The following ENOX2 variants were observed in gnomAD, a reference collection of about 807,000 sequenced individuals.
ENOX2 encodes the protein ecto-NOX disulfide-thiol exchanger 2.
In ENOX2, 36 loss-of-function variants were observed where a neutral mutation model predicts 45.0. The observed-to-expected ratio is 0.80, with a 90% CI of 0.61 to 1.06. ENOX2 has a LOEUF of 1.06. Ranked by LOEUF, ENOX2 falls within the 50% of genes least tolerant of loss-of-function variation. The probability of loss-of-function intolerance (pLI) is 0.00; values close to 1 mark genes in which losing one functional copy is unlikely to be tolerated. For synonymous variants in ENOX2, 174 were observed against 152.3 expected, an observed-to-expected ratio of 1.14 and a Z score of -1.05; for missense variants, 423 against 462.5, an observed-to-expected ratio of 0.91 and a Z score of 0.78.
chrX:130,757,714 T>G (rs183245203), intron 3 of ENOX2, among the ~76,000 whole-genome samples: 8 of 111,418 alleles, frequency 7.2e-5, no homozygotes, highest in African/African-American at 2.6e-4. Flanking sequence ...GCATAAAAAA[T>G]AATACAGAGA....
At chrX:130,869,651 T>C (rs775354987) in intron 2 of ENOX2, among the ~76,000 whole-genome samples, 63 of 112,378 alleles carry the variant, frequency 5.6e-4, no homozygotes, top group African/African-American at 1.9e-3. Flanking sequence ...TGGGAGGTCA[T>C]TGACAGTTTT....
At chrX:130,831,263 G>GT (rs201834647) in intron 2 of ENOX2, among the ~76,000 whole-genome samples, 2 of 111,490 alleles carry the variant, frequency 1.8e-5, no homozygotes, top group East Asian at 5.6e-4. Context: ...TCCCAATACT[G>GT]TTAACATTGG....
intron 2 of ENOX2, among the ~76,000 whole-genome samples, chrX:130,817,005 AATAG>A (rs1397823990): frequency 8.9e-6 from 1 of 112,166 alleles, no homozygotes; most frequent in Non-Finnish European, 1.9e-5. Context: ...AGATTAACAA[AATAG>A]ATAGACTACT....
rs1789932554 is a variant in ENOX2, at chrX:130,628,030, T to C, written c.1542A>G (p.Thr514=). The stretch of plus-strand genomic sequence containing the variant: ...CTCCAAATGGGTGAACATGAAGGAA[T>C]GTGGAGATAATCCCTACAGAGACAA... ...REALLVGIIS[T]FLHVHPFGAS... is the part of the protein sequence containing the mutation. Residue 514 remains threonine, a synonymous_variant, in exon 14 of 15, where the codon ACA becomes ACG. Transcript: ENST00000394363. 2.5e-6 allele frequency: 3 copies of C among 1,194,606 alleles called. No homozygotes were observed. The highest frequency in any genetic ancestry group is 3.4e-6 in the Non-Finnish European group (3 of 879,755).
chrX:130,824,012 G>C (rs1330622397), intron 2 of ENOX2, among the ~76,000 whole-genome samples: 2 of 111,919 alleles, frequency 1.8e-5, no homozygotes, highest in African/African-American at 6.5e-5. Context: ...AAAACTATTA[G>C]AGCTGGAGTG....
At chrX:130,651,503 C>G (rs1451667468) in intron 10 of ENOX2, among the ~76,000 whole-genome samples, 1 of 111,881 alleles carries the variant, frequency 8.9e-6, no homozygotes, top group Non-Finnish European at 1.9e-5. Context: ...TTCCTGAAAA[C>G]CTCTGGCCAG....
At chrX:130,782,410 G>A (rs2076910678) in intron 3 of ENOX2, among the ~76,000 whole-genome samples, 1 of 111,276 alleles carries the variant, frequency 9.0e-6, no homozygotes, top group African/African-American at 3.3e-5. Flanking sequence ...GATAAAACCA[G>A]GATTAGAACT....
chrX:130,750,773 C>T (rs977715947), intron 3 of ENOX2, among the ~76,000 whole-genome samples: 2 of 110,987 alleles, frequency 1.8e-5, no homozygotes, highest in Admixed American at 1.9e-4. Flanking sequence ...TTTCTCTTTC[C>T]CTCTGTATCT....
At chrX:130,744,266 T>C (rs1412382538) in intron 3 of ENOX2, among the ~76,000 whole-genome samples, 3 of 112,311 alleles carry the variant, frequency 2.7e-5, no homozygotes, top group Middle Eastern at 4.2e-3. Flanking sequence ...CTGTCTGATA[T>C]AAGACTCAGT....
chrX:130,760,785 CAAAAAAAAAAAAAAAAAAAAAAAAA>C (rs555575901), intron 3 of ENOX2, among the ~76,000 whole-genome samples: 1 of 9,401 alleles, frequency 1.1e-4, no homozygotes, highest in South Asian at 0.014. Context: ...GACTCCATCT[CAAAAAAAAAAAAAAAAAAAAAAAAA>C]AAAAAAAAAA....
chrX:130,819,735 G>C (rs1438428923), intron 2 of ENOX2, among the ~76,000 whole-genome samples: 1 of 111,102 alleles, frequency 9.0e-6, no homozygotes, highest in Non-Finnish European at 1.9e-5. Flanking sequence ...CGGGTGGGAG[G>C]GTAGAGGAGG....
At chrX:130,713,497 C>T (rs1232934765) in intron 3 of ENOX2, among the ~76,000 whole-genome samples, 1 of 111,727 alleles carries the variant, frequency 9.0e-6, no homozygotes, top group Non-Finnish European at 1.9e-5. Flanking sequence ...GCTGCCTCAG[C>T]TACTAAGAGC....
intron 3 of ENOX2, among the ~76,000 whole-genome samples, chrX:130,752,466 T>C (rs1051668709): frequency 9.1e-6 from 1 of 110,285 alleles, no homozygotes; most frequent in Non-Finnish European, 1.9e-5. Flanking sequence ...TGTATTGCCT[T>C]TTCTCCTATG....
In ENOX2 at chrX:130,624,701, A is replaced by G. The variant is rs1276208015; in HGVS notation, c.*613T>C. 3 of 112,929 alleles carry G rather than the reference A, an allele frequency of 2.7e-5. No individual in the cohort carries two copies. In the East Asian group the frequency reaches 8.3e-4, roughly 31 times the overall value. The allele number at this position is 112,929 out of a possible 1,213,427, so 9.3% of individuals were successfully genotyped here. A position where few individuals can be genotyped will look rare whatever the true frequency, so the allele number is the denominator to read the frequency against. On this transcript the variant is annotated 3_prime_UTR_variant, in exon 15 of 15. Transcript: ENST00000394363. ...AGATCTTTAATGTGATATGTTAGAG[A>G]AAATAACTTTGGAACATTTGTCAAC...
At chrX:130,645,504 A>G (rs2036205060) in intron 10 of ENOX2, among the ~76,000 whole-genome samples, 1 of 113,125 alleles carries the variant, frequency 8.8e-6, no homozygotes, top group African/African-American at 3.2e-5. Context: ...TCTATTGTTT[A>G]CATGCCAAAT....
chrX:130,672,038 T>C (rs911721661), intron 6 of ENOX2, among the ~76,000 whole-genome samples: 8 of 110,680 alleles, frequency 7.2e-5, no homozygotes, highest in African/African-American at 2.6e-4. Flanking sequence ...TAGATAAGGA[T>C]ACAAAAACAA....
chrX:130,630,170 T>C (rs987096559), intron 13 of ENOX2, among the ~76,000 whole-genome samples: 22 of 111,294 alleles, frequency 2.0e-4, no homozygotes, highest in African/African-American at 7.2e-4. Flanking sequence ...CAGACAGCAA[T>C]GCTAGCATGG....
chrX:130,649,043 C>CAAAAAAAAAAAAAAAAA (rs35154919), intron 10 of ENOX2, among the ~76,000 whole-genome samples: 1 of 6,792 alleles, frequency 1.5e-4, no homozygotes, highest in African/African-American at 3.1e-4. Context: ...GACTCCATAT[C>CAAAAAAAAAAAAAAAAA]AAAAAAAAAA....
rs2078101440 is a variant in ENOX2 at position 130,846,254 on chromosome X, G to A, written c.-183+55430C>T. 2.7e-5 allele frequency among the ~76,000 whole-genome samples: 3 copies of A among 110,965 alleles called. No individual in the cohort carries two copies. The South Asian group carries it at 1.1e-3, about 42-fold the overall frequency. On this transcript the variant is annotated intron_variant, in intron 2 of 14. Coordinates refer to ENST00000394363, the MANE Select transcript of ENOX2 (RefSeq NM_006375.4). ...AGACTATAGGTGTGCCCTACTTTAA[G>A]AAAATCCACTGTTTCCTTATCCAAT...
Sources: allele counts gnomAD v4.1 joint callset (sites outside exome capture counted in the v4.1 genomes callset), GRCh38; gene constraint gnomAD v4.1.1; transcripts MANE v1.5; gene names NCBI Gene and HGNC (gene_info 2026-07-23, HGNC 2026-07-21).